RPTOR: variants seen among roughly 807,000 people sequenced by gnomAD.
The protein encoded by RPTOR is regulatory-associated protein of mTOR.
RPTOR carries 21 observed loss-of-function variants against 169.9 expected under a neutral mutation model. The ratio of observed to expected loss-of-function variants is 0.12; its 90% CI spans 0.09 to 0.18. The LOEUF is 0.18. RPTOR is among the 10% of genes least tolerant of loss of function. RPTOR has a pLI of 1.00. For synonymous variants in RPTOR, 732 were observed against 753.2 expected, an observed-to-expected ratio of 0.97 and a Z score of 0.46; for missense variants, 1,133 against 1,855.9, an observed-to-expected ratio of 0.61 and a Z score of 7.16.
At chr17:80,822,860 T>C (rs981823508) in intron 8 of RPTOR, among the ~76,000 whole-genome samples, 1 of 152,228 alleles carries the variant, frequency 6.6e-6, no homozygotes, top group East Asian at 1.9e-4. Context: ...TGCACACACA[T>C]GTATGTATGC....
At chr17:80,682,523 C>T (rs2065906691) in intron 3 of RPTOR, among the ~76,000 whole-genome samples, 1 of 152,160 alleles carries the variant, frequency 6.6e-6, no homozygotes, top group Admixed American at 6.5e-5. Context: ...AAGAGAAGGC[C>T]ATGTGAAGAC....
intron 1 of RPTOR, among the ~76,000 whole-genome samples, chr17:80,600,208 G>A (rs9901467): frequency 0.75 from 114,234 of 152,096 alleles, 43,880 homozygotes; most frequent in African/African-American, 0.9. Context: ...GAGCCCAGGA[G>A]GTAAAGGGCT....
intron 5 of RPTOR, among the ~76,000 whole-genome samples, chr17:80,743,859 C>G (rs1212876196): frequency 8.2e-6 from 1 of 121,618 alleles, no homozygotes; most frequent in East Asian, 2.5e-4. Flanking sequence ...TAGCAGAGCC[C>G]TGGCTACTAG....
chr17:80,728,953 T>C (rs2143196603), intron 4 of RPTOR, among the ~76,000 whole-genome samples: 1 of 152,296 alleles, frequency 6.6e-6, no homozygotes, highest in African/African-American at 2.4e-5. Context: ...GCGGACAGTT[T>C]TAACAACATG....
At chr17:80,958,405 C>CTTTTTTTTTT (rs34955105) in intron 29 of RPTOR, among the ~76,000 whole-genome samples, 7 of 83,652 alleles carry the variant, frequency 8.4e-5, no homozygotes, top group African/African-American at 2.6e-4. Context: ...ATTTTTGTTT[C>CTTTTTTTTTT]TTTTTTTTTT....
intron 12 of RPTOR, 62 bp from the exon 13 acceptor site, chr17:80,857,728 C>T (rs2067869735): frequency 8.2e-7 from 1 of 1,219,448 alleles, no homozygotes; most frequent in Non-Finnish European, 1.2e-6. Context: ...CGCGTGGCAC[C>T]CCTGCTGCTG....
intron 24 of RPTOR, among the ~76,000 whole-genome samples, chr17:80,930,173 G>GCCCAGCTCATC (rs2068861669): frequency 1.2e-4 from 1 of 8,456 alleles, no homozygotes; most frequent in African/African-American, 4.8e-4. Flanking sequence ...CCCAGCTCAT[G>GCCCAGCTCATC]CCCAGCTCAT....
intron 5 of RPTOR, chr17:80,743,264 T>A (rs536891683): frequency 5.1e-6 from 5 of 985,468 alleles, no homozygotes; most frequent in Non-Finnish European, 6.0e-6. Context: ...CAGCAGCTGA[T>A]GATGAACAAA....
At chr17:80,692,981 T>G (rs2066005345) in intron 3 of RPTOR, among the ~76,000 whole-genome samples, 1 of 152,216 alleles carries the variant, frequency 6.6e-6, no homozygotes, top group Non-Finnish European at 1.5e-5. Flanking sequence ...TTGGGTACAT[T>G]TATATACGCA....
At chr17:80,638,545 G>A (rs1236548033) in intron 2 of RPTOR, among the ~76,000 whole-genome samples, 1 of 151,306 alleles carries the variant, frequency 6.6e-6, no homozygotes, top group African/African-American at 2.4e-5. Flanking sequence ...GGAACCACAG[G>A]CATGCACCAA....
At chr17:80,601,555 C>CTTTTTTTT (rs536196387) in intron 1 of RPTOR, among the ~76,000 whole-genome samples, 2 of 17,994 alleles carry the variant, frequency 1.1e-4, no homozygotes, top group Non-Finnish European at 1.8e-4. Context: ...ATGGTTCAGT[C>CTTTTTTTT]TTTTTTTTTT....
Position 80,964,312 on chromosome 17 carries a change from G to A in RPTOR, c.3990G>A (p.Val1330=), listed in dbSNP as rs935413092. The change falls in exon 34 of 34, where the codon GTG becomes GTA. Residue 1330 remains valine, a synonymous_variant. Coordinates refer to ENST00000306801, the MANE Select transcript of RPTOR (RefSeq NM_020761.3). ...ACTACTACATCTCCGTGTACTCGGT[G>A]GAGAAGCGTGTCAGATAGCGGCGTG... ...SNDYYISVYS[V]EKRVR is the part of the protein sequence containing the mutation. 6.2e-7 allele frequency: 1 copy of A among 1,608,352 alleles called. No homozygotes were observed. The highest frequency in any genetic ancestry group is 8.5e-7 in the Non-Finnish European group (1 of 1,179,830).
chr17:80,759,718 C>A (rs1056733321), intron 6 of RPTOR, among the ~76,000 whole-genome samples: 2 of 151,638 alleles, frequency 1.3e-5, no homozygotes, highest in Non-Finnish European at 2.9e-5. Flanking sequence ...GTTTGTCAGA[C>A]AGTAATTACG....
intron 1 of RPTOR, among the ~76,000 whole-genome samples, chr17:80,559,052 A>G (rs973536694): frequency 2.6e-5 from 4 of 152,042 alleles, no homozygotes; most frequent in Admixed American, 6.6e-5. Flanking sequence ...GCAGCTTTCC[A>G]TCTTCCCAGA....
At chr17:80,913,450 GTTGT>G (rs979313188) in intron 21 of RPTOR, among the ~76,000 whole-genome samples, 9 of 151,934 alleles carry the variant, frequency 5.9e-5, no homozygotes, top group African/African-American at 1.5e-4. Flanking sequence ...TTTTGGGGGT[GTTGT>G]TTGTTTGTTT....
At chr17:80,637,072 T>G (rs1312604985) in intron 2 of RPTOR, among the ~76,000 whole-genome samples, 1 of 152,102 alleles carries the variant, frequency 6.6e-6, no homozygotes, top group African/African-American at 2.4e-5. Context: ...GAACCCTGAG[T>G]ATGGGGTTCA....
intron 9 of RPTOR, among the ~76,000 whole-genome samples, chr17:80,830,124 G>A (rs114757739): frequency 2.1e-3 from 315 of 152,282 alleles, no homozygotes; most frequent in African/African-American, 7.3e-3. Flanking sequence ...GTCAGGAGCC[G>A]GGACAGCAGG....
chr17:80,581,765 A>C (rs1260011118), intron 1 of RPTOR, among the ~76,000 whole-genome samples: 1 of 151,600 alleles, frequency 6.6e-6, no homozygotes, highest in Non-Finnish European at 1.5e-5. Context: ...GATACTGCAC[A>C]TCGGGCCTGT....
At chr17:80,927,730 T>TTATGTGTG (rs1567991857) in intron 24 of RPTOR, among the ~76,000 whole-genome samples, 1 of 15,336 alleles carries the variant, frequency 6.5e-5, no homozygotes, top group East Asian at 9.3e-4. Context: ...GTCTGTGTGT[T>TTATGTGTG]TCTGTGTGTC....
Sources: allele counts gnomAD v4.1 joint callset (sites outside exome capture counted in the v4.1 genomes callset), GRCh38; gene constraint gnomAD v4.1.1; transcripts MANE v1.5; gene names NCBI Gene and HGNC (gene_info 2026-07-23, HGNC 2026-07-21).